PDE8A: variants seen among roughly 807,000 people sequenced by gnomAD.
PDE8A encodes high affinity cAMP-specific and IBMX-insensitive 3',5'-cyclic phosphodiesterase 8A.
A neutral mutation model predicts 105.0 loss-of-function variants in PDE8A; 59 were observed. That is an observed-to-expected ratio of 0.56 (90% CI 0.46 to 0.70). The LOEUF (loss-of-function observed/expected upper bound fraction) is 0.70. Ranked by LOEUF, PDE8A falls within the 30% of genes least tolerant of loss-of-function variation. PDE8A has a pLI of 0.00. For synonymous variants in PDE8A, 355 were observed against 371.9 expected (o/e 0.95, Z 0.52); for missense variants, 1,014 against 1,045.9 (o/e 0.97, Z 0.42).
intron 1 of PDE8A, among the ~76,000 whole-genome samples, chr15:84,999,121 CTT>C (rs35710429): frequency 7.6e-6 from 1 of 131,482 alleles, no homozygotes. Context: ...AGGTCACATT[CTT>C]TTTTTTTTTT....
intron 1 of PDE8A, among the ~76,000 whole-genome samples, chr15:85,024,547 C>CT (rs57454748): frequency 0.012 from 1,777 of 146,022 alleles, 32 homozygotes; most frequent in African/African-American, 0.039. Flanking sequence ...CTTGCTTAGG[C>CT]TTTTTTTTTT....
chr15:85,125,814 T>A (rs2082250024), intron 19 of PDE8A, among the ~76,000 whole-genome samples: 1 of 152,138 alleles, frequency 6.6e-6, no homozygotes. Context: ...CAGCTCATAC[T>A]CTTTTTTAAT....
intron 1 of PDE8A, among the ~76,000 whole-genome samples, chr15:85,045,188 C>T (rs1419156775): frequency 6.6e-6 from 1 of 152,208 alleles, no homozygotes; most frequent in Non-Finnish European, 1.5e-5. Context: ...TTCAGTTACT[C>T]TCCATCACAT....
chr15:85,068,243 T>C (rs1323880353), intron 3 of PDE8A, among the ~76,000 whole-genome samples: 1 of 152,056 alleles, frequency 6.6e-6, no homozygotes, highest in Non-Finnish European at 1.5e-5. Flanking sequence ...TTTGACCATA[T>C]TGGCCAGGCT....
intron 1 of PDE8A, among the ~76,000 whole-genome samples, chr15:84,990,939 G>A (rs953011480): frequency 2.0e-5 from 3 of 152,044 alleles, no homozygotes; most frequent in African/African-American, 7.2e-5. Context: ...TGGGTGTGTA[G>A]TGGTATCTCA....
chr15:85,090,235 GA>G (rs1319145583), intron 7 of PDE8A, among the ~76,000 whole-genome samples: 3 of 152,190 alleles, frequency 2.0e-5, no homozygotes, highest in African/African-American at 7.2e-5. Context: ...TAATCCAGCT[GA>G]ATCTGCTTTC....
chr15:84,997,806 G>C (rs1232365578), intron 1 of PDE8A, among the ~76,000 whole-genome samples: 1 of 152,036 alleles, frequency 6.6e-6, no homozygotes, highest in Non-Finnish European at 1.5e-5. Context: ...TGTTGGTCAG[G>C]CTGGTCTTGA....
chr15:85,058,024 G>A (rs868585701), intron 1 of PDE8A, among the ~76,000 whole-genome samples: 23 of 152,146 alleles, frequency 1.5e-4, no homozygotes, highest in Admixed American at 4.6e-4. Flanking sequence ...TGTTGTTGTC[G>A]TTGTTTTGTT....
intron 1 of PDE8A, among the ~76,000 whole-genome samples, chr15:85,056,780 C>A (rs13379486): frequency 6.6e-6 from 1 of 152,046 alleles, no homozygotes; most frequent in South Asian, 2.1e-4. Flanking sequence ...CGGAGAAGTT[C>A]GTTATTACCG....
At chr15:85,031,411 G>T (rs974385116) in intron 1 of PDE8A, among the ~76,000 whole-genome samples, 2 of 152,012 alleles carry the variant, frequency 1.3e-5, no homozygotes, top group Non-Finnish European at 2.9e-5. Context: ...TGCTCTCCTC[G>T]CCTGTATGCT....
chr15:85,114,574 G>A (rs2082066851), intron 14 of PDE8A, among the ~76,000 whole-genome samples: 2 of 152,138 alleles, frequency 1.3e-5, no homozygotes, highest in South Asian at 4.2e-4. Flanking sequence ...CATGTCTGGT[G>A]TAGAGCTCTC....
At chr15:84,998,615 A>G in intron 1 of PDE8A, among the ~76,000 whole-genome samples, 1 of 152,200 alleles carries the variant, frequency 6.6e-6, no homozygotes, top group East Asian at 1.9e-4. Context: ...TACAGTATTT[A>G]TCAATATGTA....
chr15:85,116,286 G>A (rs575496801), intron 16 of PDE8A, 167 bp downstream of exon 16: 85 of 601,178 alleles, frequency 1.4e-4, no homozygotes, highest in East Asian at 7.9e-4. Flanking sequence ...AGGGCCTGGG[G>A]GAGAGTCTGC....
intron 16 of PDE8A, among the ~76,000 whole-genome samples, chr15:85,116,819 C>A (rs2082103812): frequency 6.6e-6 from 1 of 152,188 alleles, no homozygotes; most frequent in African/African-American, 2.4e-5. Flanking sequence ...TCAGGCTCCC[C>A]TTGAGTTAAC....
intron 20 of PDE8A, among the ~76,000 whole-genome samples, chr15:85,133,268 C>A (rs978806061): frequency 6.6e-6 from 1 of 152,178 alleles, no homozygotes; most frequent in South Asian, 2.1e-4. Flanking sequence ...CTCTTGTCTT[C>A]AGGCATCCAT....
chr15:84,981,040 C>G (rs1018937498), upstream of PDE8A, among the ~76,000 whole-genome samples: 1 of 152,192 alleles, frequency 6.6e-6, no homozygotes, highest in Non-Finnish European at 1.5e-5. Flanking sequence ...CAAAGGAGGT[C>G]TTTCCACCGG....
intron 17 of PDE8A, among the ~76,000 whole-genome samples, chr15:85,118,051 G>A (rs1481497716): frequency 1.3e-5 from 2 of 152,152 alleles, no homozygotes; most frequent in East Asian, 3.9e-4. Flanking sequence ...TTCCATGAGG[G>A]TACAAGAGGC....
chr15:85,033,788 C>T (rs2080656629), intron 1 of PDE8A, among the ~76,000 whole-genome samples: 1 of 152,176 alleles, frequency 6.6e-6, no homozygotes, highest in Non-Finnish European at 1.5e-5. Context: ...TCGCTTGAAC[C>T]TGGGAGGCAG....
intron 1 of PDE8A, among the ~76,000 whole-genome samples, chr15:85,051,156 T>C (rs1319646464): frequency 6.6e-6 from 1 of 152,212 alleles, no homozygotes; most frequent in Non-Finnish European, 1.5e-5. Flanking sequence ...GTGTTGCCTT[T>C]GTGTCCTGAT....
Sources: allele counts gnomAD v4.1 joint callset (sites outside exome capture counted in the v4.1 genomes callset), GRCh38; gene constraint gnomAD v4.1.1; transcripts MANE v1.5; gene names NCBI Gene and HGNC (gene_info 2026-07-23, HGNC 2026-07-21).